Variants in LRP2 observed in about 807,000 individuals in gnomAD.
LRP2 encodes the protein LDL receptor related protein 2, also known as low-density lipoprotein receptor-related protein 2.
In LRP2, 172 loss-of-function variants were observed where a neutral mutation model predicts 531.0. That is an observed-to-expected ratio of 0.32 (90% CI 0.29 to 0.37). The LOEUF (loss-of-function observed/expected upper bound fraction) is 0.37. LRP2 is among the 10% of genes least tolerant of loss of function. The pLI, the probability that LRP2 is intolerant of heterozygous loss-of-function variation, is 1.00. For missense variants in LRP2, 5,167 were observed against 5,868.3 expected (o/e 0.88, Z 3.90); for synonymous variants, 1,992 against 2,027.6 (o/e 0.98, Z 0.47).
chr2:169,207,956 C>G (rs1054401556), intron 38 of LRP2, among the ~76,000 whole-genome samples: 1 of 152,256 alleles, frequency 6.6e-6, no homozygotes, highest in African/African-American at 2.4e-5. Context: ...ATATTTTGTT[C>G]CTATATCTGA....
Position 169,257,261 on chromosome 2 carries a change from A to C in LRP2, c.2514-12T>G. 6.2e-7 allele frequency: 1 copy of C among 1,611,906 alleles called. No individual in the cohort carries two copies. Among genetic ancestry groups the C allele is most frequent in the Non-Finnish European group, 8.5e-7 (1 of 1,178,540 alleles). ...TGAAGAATAGATACCTAGAAAAAGC[A>C]GTAGTAAATTAAGGCTGTTAACACT... On this transcript the variant is annotated splice_polypyrimidine_tract_variant and intron_variant, in intron 17 of 78. Transcript: ENST00000649046.
rs568345854 is a variant in LRP2 at position 169,268,161 on chromosome 2, C to T, written c.2320+2743G>A. Among the ~76,000 whole-genome samples, 241 of 152,206 alleles carry T rather than the reference C, an allele frequency of 1.6e-3. 3 individuals are homozygous for T. The highest frequency in any genetic ancestry group is 5.5e-3 in the African/African-American group (227 of 41,538). On this transcript the variant is annotated intron_variant, in intron 16 of 78. Transcript: ENST00000649046. The stretch of plus-strand genomic sequence containing the variant: ...GTCCAGGACCAGACGGATTCACAGC[C>T]GAATTCTACCAGAGGTACAAAGAGG...
chr2:169,271,201 A>C, intron 15 of LRP2, 94 bp from the exon 16 acceptor site: 1 of 759,456 alleles, frequency 1.3e-6, no homozygotes, highest in East Asian at 2.7e-5. Flanking sequence ...GCAAACTTTA[A>C]ATTATAAAAT....
At position 169,355,355 on chromosome 2, in the gene LRP2, G is replaced by A. The variant is rs573893952; in HGVS notation, c.79+6966C>T. ...TCACATACAAAATGAAAATAACATC[G>A]TCAGTCAATTTTATCTGATAAGGTA... On this transcript the variant is annotated intron_variant, in intron 1 of 78. Coordinates refer to ENST00000649046, the MANE Select transcript of LRP2 (RefSeq NM_004525.3). Among the ~76,000 whole-genome samples, 4 of 152,172 alleles carry A rather than the reference G, an allele frequency of 2.6e-5. No homozygotes were observed. The South Asian group carries it at 6.2e-4, about 24-fold the overall frequency.
Position 169,327,220 on chromosome 2 carries a change from C to T in LRP2, c.80-6336G>A, listed in dbSNP as rs867473787. On this transcript the variant is annotated intron_variant, in intron 1 of 78. Transcript: ENST00000649046. ...CCCCCGCCTGGCCAGCCGCCCCATC[C>T]GGGAGGGAGGTGGGGGGGTCAGCCC... 3.5e-3 allele frequency among the ~76,000 whole-genome samples: 359 copies of T among 103,356 alleles called. 3 individuals carry two copies. Among genetic ancestry groups the T allele is most frequent in the Middle Eastern group, 0.014 (2 of 142 alleles). 67.8% of individuals were successfully genotyped at this position (103,356 alleles called of 152,430 possible).
chr2:169,295,853 C>T (rs1003858538), intron 4 of LRP2, among the ~76,000 whole-genome samples: 2 of 151,946 alleles, frequency 1.3e-5, no homozygotes, highest in Admixed American at 1.3e-4. Flanking sequence ...GGATATCTTC[C>T]TTGGTCTGAC....
At chr2:169,169,345 G>A (rs369417665) in intron 60 of LRP2, among the ~76,000 whole-genome samples, 4 of 152,090 alleles carry the variant, frequency 2.6e-5, no homozygotes, top group African/African-American at 9.7e-5. Context: ...CAATATGTTC[G>A]AATACCCAAC....
chr2:169,355,949 G>A (rs1239458037), intron 1 of LRP2, among the ~76,000 whole-genome samples: 1 of 152,156 alleles, frequency 6.6e-6, no homozygotes, highest in Non-Finnish European at 1.5e-5. Context: ...GGAGTGCAGT[G>A]GCATGATCAC....
chr2:169,353,226 A>G (rs892245853), intron 1 of LRP2, among the ~76,000 whole-genome samples: 19 of 152,176 alleles, frequency 1.2e-4, no homozygotes, highest in African/African-American at 4.3e-4. Flanking sequence ...ATTGTGATGA[A>G]ATAATACTTT....
chr2:169,151,182 G>A (rs1686106469), intron 67 of LRP2, among the ~76,000 whole-genome samples, 156 bp from the exon 68 acceptor site: 1 of 152,130 alleles, frequency 6.6e-6, no homozygotes, highest in Admixed American at 6.5e-5. Context: ...GGGAACTACA[G>A]CCAAGGGGAC....
chr2:169,175,015 T>G (rs1309574502), intron 55 of LRP2, among the ~76,000 whole-genome samples, 178 bp downstream of exon 55: 1 of 131,740 alleles, frequency 7.6e-6, no homozygotes, highest in African/African-American at 3.0e-5. Flanking sequence ...AACCTTAAGA[T>G]TTCTAAAAAA....
chr2:169,328,850 C>T (rs1685192895), intron 1 of LRP2, among the ~76,000 whole-genome samples: 1 of 152,232 alleles, frequency 6.6e-6, no homozygotes, highest in South Asian at 2.1e-4. Context: ...AAGCAAATGA[C>T]AGCATTTGTT....
At chr2:169,331,723 G>C (rs72880444) in intron 1 of LRP2, among the ~76,000 whole-genome samples, 7,463 of 152,260 alleles carry the variant, frequency 0.049, 222 homozygotes, top group Non-Finnish European at 0.059. Flanking sequence ...CTACTTACAA[G>C]AATAACATGC....
chr2:169,290,264 C>CA (rs1683965000), intron 8 of LRP2, among the ~76,000 whole-genome samples: 1 of 56,932 alleles, frequency 1.8e-5, no homozygotes, highest in Non-Finnish European at 2.9e-5. Flanking sequence ...GAACCAGAAG[C>CA]TTTTTTTTTT....
At position 169,172,785 on chromosome 2, in the gene LRP2, A is replaced by G. The variant is rs1265430209; in HGVS notation, c.11143+311T>C. ...AATTTCAACCAATTTATAAAATTAG[A>G]GAAACAATTTAAACTTGTCAAGTAT... On this transcript the variant is annotated intron_variant, in intron 57 of 78. Transcript: ENST00000649046. Among the ~76,000 whole-genome samples, 5 of 152,364 alleles carry G rather than the reference A, an allele frequency of 3.3e-5. No homozygotes were observed. In the East Asian group the frequency reaches 5.8e-4, roughly 18 times the overall value.
chr2:169,220,424 G>T, intron 34 of LRP2, 30 bp downstream of exon 34: 1 of 1,478,746 alleles, frequency 6.8e-7, no homozygotes, highest in Non-Finnish European at 9.5e-7. Context: ...AATGCTGCAT[G>T]GAAGACACGT....
At chr2:169,342,106 AC>A (rs1461677981) in intron 1 of LRP2, among the ~76,000 whole-genome samples, 1 of 152,110 alleles carries the variant, frequency 6.6e-6, no homozygotes, top group African/African-American at 2.4e-5. Context: ...AGGGAGATGA[AC>A]CAACTAGGAA....
At chr2:169,192,346 C>T (rs16856573) in intron 47 of LRP2, among the ~76,000 whole-genome samples, 9,323 of 152,160 alleles carry the variant, frequency 0.061, 839 homozygotes, top group African/African-American at 0.2. Flanking sequence ...ATTTTGTTAA[C>T]TGGATACCGA....
rs574572120 is a variant in LRP2 at position 169,208,342 on chromosome 2, G to T, written c.6470-1092C>A. ...AAATAGTAATTTCTATTCAGGAACG[G>T]GAGTTAGGAACCCAATTAAAGCTTT... On this transcript the variant is annotated intron_variant, in intron 38 of 78. Transcript: ENST00000649046. 1.1e-3 allele frequency among the ~76,000 whole-genome samples: 167 copies of T among 152,224 alleles called. 1 individual carries two copies. Among genetic ancestry groups the T allele is most frequent in the Non-Finnish European group, 1.4e-3 (96 of 68,020 alleles).
Sources: allele counts gnomAD v4.1 joint callset (sites outside exome capture counted in the v4.1 genomes callset), GRCh38; gene constraint gnomAD v4.1.1; transcripts MANE v1.5; gene names NCBI Gene and HGNC (gene_info 2026-07-23, HGNC 2026-07-21).